Variants in NUBPL observed in about 807,000 individuals in gnomAD.
NUBPL encodes the protein NUBP iron-sulfur cluster assembly factor, mitochondrial, also known as iron-sulfur cluster transfer protein NUBPL.
Under a neutral mutation model 45.7 loss-of-function variants are expected in NUBPL, and 31 were observed. The ratio of observed to expected loss-of-function variants is 0.68; its 90% confidence interval spans 0.51 to 0.92. The LOEUF is 0.92. Ranked by LOEUF, NUBPL falls within the 40% of genes least tolerant of loss-of-function variation. The pLI is 0.00. For missense variants in NUBPL, 401 were observed against 398.7 expected (o/e 1.01, Z -0.05); for synonymous variants, 144 against 140.9 (o/e 1.02, Z -0.15).
At position 31,665,068 on chromosome 14, in the gene NUBPL, T is replaced by C. The variant is rs543750789; in HGVS notation, c.383-8287T>C. Among the ~76,000 whole-genome samples, 159 of 152,342 alleles carry C rather than the reference T, an allele frequency of 1.0e-3. 1 individual carries two copies. The highest frequency in any genetic ancestry group is 3.7e-3 in the African/African-American group (154 of 41,580). On this transcript the variant is annotated intron_variant, in intron 4 of 10. Coordinates refer to ENST00000281081, the MANE Select transcript of NUBPL (RefSeq NM_025152.3). ...TGTATTTCTGTGGGTTCAGTGGTGATATCCCTTTCATCATTTTTCATTGTG... is the reference window on the plus strand; with the variant it reads ...TGTATTTCTGTGGGTTCAGTGGTGACATCCCTTTCATCATTTTTCATTGTG...
intron 4 of NUBPL, among the ~76,000 whole-genome samples, chr14:31,621,065 C>T (rs1271279328): frequency 3.3e-5 from 5 of 152,198 alleles, no homozygotes; most frequent in Non-Finnish European, 5.9e-5. Context: ...AACTTCCTGG[C>T]GGCTTTGTTT....
In NUBPL at chr14:31,828,487, C is replaced by T. The variant is rs115917652; in HGVS notation, c.693+1773C>T. ...CATTCTATTTGCACATAAGTGAATG[C>T]TTAACTTCTCATTCTGTAAGATGAG... On this transcript the variant is annotated intron_variant, in intron 8 of 10. Transcript: ENST00000281081. 2.3e-3 allele frequency among the ~76,000 whole-genome samples: 346 copies of T among 152,294 alleles called. 3 individuals carry two copies. Among genetic ancestry groups the T allele is most frequent in the African/African-American group, 7.9e-3 (328 of 41,560 alleles).
intron 4 of NUBPL, among the ~76,000 whole-genome samples, chr14:31,670,827 C>T (rs1267605947): frequency 6.6e-6 from 1 of 152,096 alleles, no homozygotes; most frequent in Non-Finnish European, 1.5e-5. Context: ...TTCCATTGGT[C>T]CATGTGCCTG....
intron 6 of NUBPL, among the ~76,000 whole-genome samples, chr14:31,777,325 A>G (rs2039114835): frequency 6.6e-6 from 1 of 152,188 alleles, no homozygotes; most frequent in Non-Finnish European, 1.5e-5. Context: ...GGTCCCTTGT[A>G]GAGATCCTTG....
intron 4 of NUBPL, among the ~76,000 whole-genome samples, chr14:31,641,502 C>G (rs2035698255): frequency 6.6e-6 from 1 of 152,132 alleles, no homozygotes; most frequent in Non-Finnish European, 1.5e-5. Flanking sequence ...TTGAACATGA[C>G]AGGATTCCAT....
chr14:31,857,763 TC>T (rs1389047279), intron 10 of NUBPL, among the ~76,000 whole-genome samples: 1 of 152,164 alleles, frequency 6.6e-6, no homozygotes, highest in African/African-American at 2.4e-5. Flanking sequence ...TCTGAGACCA[TC>T]TTAGCCTGGA....
At chr14:31,792,534 A>G (rs11156709) in intron 7 of NUBPL, among the ~76,000 whole-genome samples, 51,439 of 151,926 alleles carry the variant, frequency 0.34, 9,011 homozygotes, top group South Asian at 0.41. Context: ...GGCTGTCTGT[A>G]TAGAGTTGTA....
chr14:31,643,696 T>C (rs2035769030), intron 4 of NUBPL, among the ~76,000 whole-genome samples: 1 of 152,070 alleles, frequency 6.6e-6, no homozygotes, highest in African/African-American at 2.4e-5. Flanking sequence ...TCTTATTTAT[T>C]TTTTTTGAAG....
At chr14:31,654,898 T>C (rs2036105113) in intron 4 of NUBPL, among the ~76,000 whole-genome samples, 1 of 152,242 alleles carries the variant, frequency 6.6e-6, no homozygotes, top group Non-Finnish European at 1.5e-5. Context: ...TATAACATTC[T>C]AAACTTTTTG....
At chr14:31,852,706 T>C (rs530382406) in intron 10 of NUBPL, among the ~76,000 whole-genome samples, 1 of 152,270 alleles carries the variant, frequency 6.6e-6, no homozygotes, top group African/African-American at 2.4e-5. Context: ...TAGCAGCATT[T>C]GAATCATGAG....
chr14:31,641,956 T>C (rs1324419335), intron 4 of NUBPL, among the ~76,000 whole-genome samples: 1 of 152,176 alleles, frequency 6.6e-6, no homozygotes, highest in African/African-American at 2.4e-5. Flanking sequence ...TTTAAAAATA[T>C]ACTTGTTGGC....
intron 8 of NUBPL, chr14:31,844,177 A>G (rs1422509613): frequency 6.6e-6 from 1 of 152,246 alleles, no homozygotes; most frequent in Non-Finnish European, 1.5e-5. Flanking sequence ...CTATGCCTCT[A>G]TGTCTTAGGG....
intron 6 of NUBPL, among the ~76,000 whole-genome samples, chr14:31,735,190 T>G (rs1048096527): frequency 2.0e-5 from 3 of 151,074 alleles, no homozygotes; most frequent in Non-Finnish European, 4.5e-5. Context: ...TGGCAACTAC[T>G]GCTCTAGGTT....
intron 7 of NUBPL, among the ~76,000 whole-genome samples, chr14:31,791,959 A>T (rs1027894392): frequency 6.6e-6 from 1 of 152,148 alleles, no homozygotes; most frequent in African/African-American, 2.4e-5. Flanking sequence ...TCCATATATT[A>T]ATTTTCAAAT....
At chr14:31,586,204 C>A (rs1172876954) in intron 3 of NUBPL, among the ~76,000 whole-genome samples, 2 of 152,124 alleles carry the variant, frequency 1.3e-5, no homozygotes, top group African/African-American at 4.8e-5. Flanking sequence ...CATGGTGCTA[C>A]CCTCACAAAG....
chr14:31,656,480 T>C (rs1299951944), intron 4 of NUBPL, among the ~76,000 whole-genome samples: 3 of 152,188 alleles, frequency 2.0e-5, no homozygotes, highest in Non-Finnish European at 4.4e-5. Context: ...GTGAGAAACA[T>C]ATAACTTTTT....
chr14:31,723,813 G>A (rs2037862733), intron 6 of NUBPL, among the ~76,000 whole-genome samples: 1 of 152,150 alleles, frequency 6.6e-6, no homozygotes, highest in Non-Finnish European at 1.5e-5. Flanking sequence ...AAATGTTGCT[G>A]AAGTTGTTTA....
chr14:31,623,481 CTCA>C (rs1445169094), intron 4 of NUBPL, among the ~76,000 whole-genome samples: 1 of 152,166 alleles, frequency 6.6e-6, no homozygotes, highest in Non-Finnish European at 1.5e-5. Flanking sequence ...CCACCCAGAT[CTCA>C]TGTTGAATTG....
intron 6 of NUBPL, among the ~76,000 whole-genome samples, chr14:31,727,270 A>C (rs2037945840): frequency 6.6e-6 from 1 of 152,238 alleles, no homozygotes; most frequent in South Asian, 2.1e-4. Context: ...GTTTTGAAAT[A>C]TGATGAATTC....
Sources: allele counts gnomAD v4.1 joint callset (sites outside exome capture counted in the v4.1 genomes callset), GRCh38; gene constraint gnomAD v4.1.1; transcripts MANE v1.5; gene names NCBI Gene and HGNC (gene_info 2026-07-23, HGNC 2026-07-21).